Variants in CNOT7 observed in about 807,000 individuals in gnomAD.
CNOT7 encodes CCR4-NOT transcription complex subunit 7.
In CNOT7, 4 loss-of-function variants were observed where a neutral mutation model predicts 37.1. The ratio of observed to expected loss-of-function variants is 0.11; its 90% CI spans 0.05 to 0.25. CNOT7 has a LOEUF of 0.25. Ranked by LOEUF, CNOT7 falls within the 10% of genes least tolerant of loss-of-function variation. CNOT7 has a pLI of 1.00. For synonymous variants in CNOT7, 128 were observed against 115.6 expected, an observed-to-expected ratio of 1.11 and a Z score of -0.69; for missense variants, 170 against 336.2, an observed-to-expected ratio of 0.51 and a Z score of 3.87.
chr8:17,232,700 G>T (rs530759659), intron 5 of CNOT7, among the ~76,000 whole-genome samples, 163 bp from the exon 6 acceptor site: 2 of 152,252 alleles, frequency 1.3e-5, no homozygotes, highest in South Asian at 4.1e-4. Flanking sequence ...AATTACTAAT[G>T]TATTTGTTGA....
intron 2 of CNOT7, 61 bp downstream of exon 2, chr8:17,244,975 C>G: frequency 1.5e-6 from 2 of 1,357,154 alleles, no homozygotes; most frequent in South Asian, 1.3e-5. Context: ...GAATTCAAGA[C>G]TTTAAAATTT....
chr8:17,233,270 A>G (rs2150973858), intron 5 of CNOT7, among the ~76,000 whole-genome samples: 1 of 152,338 alleles, frequency 6.6e-6, no homozygotes, highest in South Asian at 2.1e-4. Context: ...TTCTTCTCTA[A>G]CTTGTTAAGG....
intron 4 of CNOT7, among the ~76,000 whole-genome samples, chr8:17,235,820 C>G (rs896617743): frequency 6.6e-5 from 10 of 152,140 alleles, no homozygotes; most frequent in African/African-American, 2.4e-4. Flanking sequence ...AATCTTCTAT[C>G]TTGATAAATA....
At chr8:17,232,057 T>G in intron 6 of CNOT7, 19 of 1,034,388 alleles carry the variant, frequency 1.8e-5, no homozygotes, top group Non-Finnish European at 2.2e-5. Context: ...CCTTGCCTTG[T>G]AGGAGGAGCA....
chr8:17,242,210 A>G (rs1262366978), intron 3 of CNOT7: 1 of 152,144 alleles, frequency 6.6e-6, no homozygotes, highest in Non-Finnish European at 1.5e-5. Flanking sequence ...AATCAATTTT[A>G]TTTTTTATGA....
At chr8:17,235,427 A>G (rs979165468) in intron 4 of CNOT7, among the ~76,000 whole-genome samples, 2 of 152,150 alleles carry the variant, frequency 1.3e-5, no homozygotes, top group African/African-American at 4.8e-5. Context: ...TTCTTCCTTC[A>G]CAATTCTCTT....
Position 17,229,806 on chromosome 8 carries a change from A to G in CNOT7, c.*914T>C, listed in dbSNP as rs1243245482. The G allele has an allele frequency of 6.6e-6, 1 of 151,416 alleles. No individual in the cohort carries two copies. Among genetic ancestry groups the G allele is most frequent in the Non-Finnish European group, 1.5e-5 (1 of 67,590 alleles). 9.4% of individuals were successfully genotyped at this position (151,416 alleles called of 1,614,324 possible). Reference sequence around the variant, plus strand: ...ATAAAATTGATTTGTGTAACCAACAAATCAAGAGCATCATAAGAATGGCTA... The same window carrying G: ...ATAAAATTGATTTGTGTAACCAACAGATCAAGAGCATCATAAGAATGGCTA... On this transcript the variant is annotated 3_prime_UTR_variant, in exon 7 of 7. Coordinates refer to ENST00000361272, the MANE Select transcript of CNOT7 (RefSeq NM_013354.7).
At chr8:17,236,402 TG>T (rs1809366586) in intron 4 of CNOT7, among the ~76,000 whole-genome samples, 2 of 152,232 alleles carry the variant, frequency 1.3e-5, no homozygotes, top group South Asian at 4.1e-4. Context: ...TTTACTTAGA[TG>T]GGAAAACTCT....
rs199807007 is a variant in CNOT7 at position 17,237,388 on chromosome 8, A to G, written c.312-15T>C. 7 of 1,612,588 alleles carry G rather than the reference A, an allele frequency of 4.3e-6. No homozygotes were observed. The highest frequency in any genetic ancestry group is 2.7e-5 in the African/African-American group (2 of 74,948). On this transcript the variant is annotated splice_polypyrimidine_tract_variant and intron_variant, in intron 3 of 6. Coordinates refer to ENST00000361272, the MANE Select transcript of CNOT7 (RefSeq NM_013354.7). ...ACATGTCCTCCCTGGCAGAAGAAAGAGAAAGACAACATTCAAACATGCCAT... is the reference window on the plus strand; with the variant it reads ...ACATGTCCTCCCTGGCAGAAGAAAGGGAAAGACAACATTCAAACATGCCAT...
chr8:17,237,543 G>C (rs1340818708), intron 3 of CNOT7, 170 bp from the exon 4 acceptor site: 5 of 558,118 alleles, frequency 9.0e-6, no homozygotes, highest in Non-Finnish European at 1.3e-5. Flanking sequence ...TAAATACAAA[G>C]GTCATTATTT....
intron 4 of CNOT7, 108 bp from the exon 5 acceptor site, chr8:17,234,968 C>CA: frequency 1.1e-6 from 1 of 873,552 alleles, no homozygotes. Flanking sequence ...AGAGCCCTCC[C>CA]AAAAACATTA....
intron 3 of CNOT7, 71 bp from the exon 4 acceptor site, chr8:17,237,444 T>A: frequency 7.0e-7 from 1 of 1,423,136 alleles, no homozygotes; most frequent in South Asian, 1.2e-5. Context: ...TCTGCTTACA[T>A]CTATAACTAC....
At chr8:17,244,899 G>C (rs78185233) in intron 2 of CNOT7, 137 bp downstream of exon 2, 23,076 of 696,646 alleles carry the variant, frequency 0.033, 557 homozygotes, top group Middle Eastern at 0.089. Flanking sequence ...ATTTTGGCTG[G>C]AGGGCAGTGA....
intron 1 of CNOT7, chr8:17,246,367 A>C (rs1035006767): frequency 1.3e-5 from 2 of 152,340 alleles, no homozygotes; most frequent in African/African-American, 4.8e-5. Context: ...AGCTACACTG[A>C]CTCCCAAGCA....
At chr8:17,245,355 A>AT (rs1037809197) in intron 1 of CNOT7, 108 bp from the exon 2 acceptor site, 43 of 482,632 alleles carry the variant, frequency 8.9e-5, no homozygotes, top group African/African-American at 7.6e-4. Flanking sequence ...TTCTTGACTC[A>AT]TAAAAAAAAA....
At chr8:17,233,350 G>A (rs1808887329) in intron 5 of CNOT7, among the ~76,000 whole-genome samples, 1 of 152,178 alleles carries the variant, frequency 6.6e-6, no homozygotes, top group African/African-American at 2.4e-5. Flanking sequence ...AGTTGCTTCT[G>A]CGCTAAAAAT....
chr8:17,232,350 CAAAA>C, intron 6 of CNOT7, 73 bp downstream of exon 6: 1 of 1,608,818 alleles, frequency 6.2e-7, no homozygotes, highest in South Asian at 1.1e-5. Flanking sequence ...ACTTGTTGCC[CAAAA>C]TCTTTGGCCA....
chr8:17,229,251 CTTTA>C lies in CNOT7; in HGVS notation c.*1465_*1468del, dbSNP rs940885324. ...CATTTATAAGAAAACATTTTGAAGC[CTTTA>C]TTTACAAAAGCTTTAAAAACAAATA... On this transcript the variant is annotated 3_prime_UTR_variant, in exon 7 of 7. Coordinates refer to ENST00000361272, the MANE Select transcript of CNOT7 (RefSeq NM_013354.7). 1.3e-5 allele frequency: 2 copies of C among 151,912 alleles called. No homozygotes were observed. Among genetic ancestry groups the C allele is most frequent in the African/African-American group, 4.8e-5 (2 of 41,402 alleles). The allele number at this position is 151,912 out of a possible 1,614,324, so 9.4% of individuals were successfully genotyped here.
intron 2 of CNOT7, 90 bp downstream of exon 2, chr8:17,244,946 A>C: frequency 9.2e-7 from 1 of 1,088,704 alleles, no homozygotes; most frequent in Non-Finnish European, 1.3e-6. Context: ...AATCCCTAAA[A>C]ATATCAACCA....
Sources: gnomAD v4.1 joint callset for allele counts (sites outside exome capture counted in the v4.1 genomes callset) on GRCh38, gnomAD v4.1.1 for gene constraint, MANE v1.5 for transcripts, NCBI Gene and HGNC (gene_info 2026-07-23, HGNC 2026-07-21) for gene names.